PCED1B: variants seen among roughly 807,000 people sequenced by gnomAD.
PCED1B encodes the protein PC-esterase domain-containing protein 1B.
For synonymous variants in PCED1B, 251 were observed against 246.1 expected, an observed-to-expected ratio of 1.02 and a Z score of -0.19; for missense variants, 573 against 573.9, an observed-to-expected ratio of 1.00 and a Z score of 0.02.
intron 1 of PCED1B, among the ~76,000 whole-genome samples, chr12:47,080,981 G>T (rs1174507260): frequency 6.6e-6 from 1 of 152,178 alleles, no homozygotes; most frequent in Admixed American, 6.5e-5. Context: ...CGACCAGCGC[G>T]CTTTGGTTCA....
In PCED1B at chr12:47,217,460, AAGAAAGAAAG is replaced by A. The variant is rs1226774005; in HGVS notation, c.-58+783_-58+792del. 1.1e-3 allele frequency among the ~76,000 whole-genome samples: 87 copies of A among 76,596 alleles called. 3 individuals are homozygous for A. The highest frequency in any genetic ancestry group is 4.8e-3 in the African/African-American group (73 of 15,150). 50.2% of individuals were successfully genotyped at this position (76,596 alleles called of 152,430 possible). ...AAAAAGAAAGAAAGAAAGAAAGAAA[AAGAAAGAAAG>A]AGAAAGAAAGAAAGAAAGAAAGAAA... On this transcript the variant is annotated intron_variant, in intron 3 of 3. Transcript: ENST00000546455.
At chr12:47,210,330 A>G (rs1293147769) in intron 2 of PCED1B, 1 of 152,256 alleles carries the variant, frequency 6.6e-6, no homozygotes, top group African/African-American at 2.4e-5. Flanking sequence ...GGCTGGGGCC[A>G]CAGTTATGTA....
At chr12:47,166,374 C>T (rs1941546120) in intron 2 of PCED1B, among the ~76,000 whole-genome samples, 1 of 152,164 alleles carries the variant, frequency 6.6e-6, no homozygotes, top group South Asian at 2.1e-4. Context: ...GAGTTGAGCT[C>T]AGTTCCATAC....
chr12:47,186,114 A>G (rs531964711), intron 2 of PCED1B, among the ~76,000 whole-genome samples: 2 of 152,148 alleles, frequency 1.3e-5, no homozygotes, highest in South Asian at 4.2e-4. Context: ...GCTACTCAGG[A>G]GACTGAGGCA....
chr12:47,091,720 A>G (rs1378460212), intron 1 of PCED1B, among the ~76,000 whole-genome samples: 1 of 152,142 alleles, frequency 6.6e-6, no homozygotes, highest in Non-Finnish European at 1.5e-5. Flanking sequence ...TCTTGTGTGT[A>G]ATGTGAAATA....
At chr12:47,185,012 T>C (rs1267429297) in intron 2 of PCED1B, among the ~76,000 whole-genome samples, 1 of 152,200 alleles carries the variant, frequency 6.6e-6, no homozygotes, top group African/African-American at 2.4e-5. Flanking sequence ...TCCTTCTTTT[T>C]CCCTAGCTTT....
intron 2 of PCED1B, among the ~76,000 whole-genome samples, chr12:47,156,445 C>T (rs916481975): frequency 7.2e-5 from 11 of 152,146 alleles, no homozygotes; most frequent in East Asian, 1.9e-4. Flanking sequence ...GTCCTTTTCT[C>T]ACAAGGTTCC....
chr12:47,132,058 G>C lies in PCED1B; in HGVS notation c.-526+27863G>C, dbSNP rs1402038391. On this transcript the variant is annotated intron_variant, in intron 2 of 3. Transcript: ENST00000546455. ...TGACCTGGCCAGTAATGAACTTTGCGTGGAAAGTCATTAGCATCGAGTGGA... is the reference window on the plus strand; with the variant it reads ...TGACCTGGCCAGTAATGAACTTTGCCTGGAAAGTCATTAGCATCGAGTGGA... Among the ~76,000 whole-genome samples, 3 of 152,160 alleles carry C rather than the reference G, an allele frequency of 2.0e-5. No individual in the cohort carries two copies. The East Asian group carries it at 5.8e-4, about 29-fold the overall frequency.
At chr12:47,149,880 T>A (rs1940926912) in intron 2 of PCED1B, among the ~76,000 whole-genome samples, 1 of 152,222 alleles carries the variant, frequency 6.6e-6, no homozygotes, top group South Asian at 2.1e-4. Context: ...TGCCAGTCCT[T>A]ATGCTGGCAG....
chr12:47,101,894 C>G (rs919961261), intron 1 of PCED1B, among the ~76,000 whole-genome samples: 5 of 151,504 alleles, frequency 3.3e-5, no homozygotes, highest in Admixed American at 3.3e-4. Context: ...TGCAGTGAGC[C>G]GAGATGGCAC....
intron 2 of PCED1B, among the ~76,000 whole-genome samples, chr12:47,110,345 G>A (rs116833461): frequency 0.013 from 1,938 of 151,660 alleles, 46 homozygotes; most frequent in African/African-American, 0.045. Flanking sequence ...AGAGGAAAGC[G>A]CAATAGGGTT....
intron 2 of PCED1B, among the ~76,000 whole-genome samples, chr12:47,213,120 G>A (rs1408593533): frequency 6.6e-6 from 1 of 152,146 alleles, no homozygotes; most frequent in African/African-American, 2.4e-5. Context: ...ATCCCAATAA[G>A]TATTGCCTTG....
intron 2 of PCED1B, among the ~76,000 whole-genome samples, chr12:47,137,396 CAA>C (rs1038665901): frequency 2.0e-5 from 3 of 152,054 alleles, no homozygotes; most frequent in African/African-American, 7.2e-5. Flanking sequence ...TTATTGGAGA[CAA>C]AATATTTAAG....
intron 2 of PCED1B, among the ~76,000 whole-genome samples, chr12:47,175,551 AGTATGTATGTAT>A (rs34227779): frequency 7.9e-5 from 12 of 151,338 alleles, no homozygotes; most frequent in African/African-American, 2.7e-4. Context: ...TACTTCTTTC[AGTATGTATGTAT>A]GTATGTATGT....
At chr12:47,181,140 C>T (rs547617508) in intron 2 of PCED1B, among the ~76,000 whole-genome samples, 3 of 151,982 alleles carry the variant, frequency 2.0e-5, no homozygotes, top group Admixed American at 6.6e-5. Context: ...CTTGCTGCCA[C>T]GCCTGGCTCA....
intron 2 of PCED1B, among the ~76,000 whole-genome samples, chr12:47,106,310 A>C (rs1321297282): frequency 6.6e-6 from 1 of 152,130 alleles, no homozygotes; most frequent in Non-Finnish European, 1.5e-5. Context: ...TTCTCAGATA[A>C]ATTATTCACA....
chr12:47,168,307 T>C (rs1340969564), intron 2 of PCED1B, among the ~76,000 whole-genome samples: 1 of 152,212 alleles, frequency 6.6e-6, no homozygotes, highest in Non-Finnish European at 1.5e-5. Flanking sequence ...GCTTATATTT[T>C]GCAAGAACAT....
chr12:47,154,933 C>A (rs1336614855), intron 2 of PCED1B, among the ~76,000 whole-genome samples: 1 of 152,046 alleles, frequency 6.6e-6, no homozygotes, highest in African/African-American at 2.4e-5. Context: ...AAATCTCAAA[C>A]TAAGTATTTT....
chr12:47,213,721 A>G (rs1168414532), intron 2 of PCED1B, among the ~76,000 whole-genome samples: 2 of 152,240 alleles, frequency 1.3e-5, no homozygotes, highest in Non-Finnish European at 1.5e-5. Context: ...CTGTTTAAGA[A>G]AAAGCCAAGT....
Sources: allele counts gnomAD v4.1 joint callset (sites outside exome capture counted in the v4.1 genomes callset), GRCh38; gene constraint gnomAD v4.1.1; transcripts MANE v1.5; gene names NCBI Gene and HGNC (gene_info 2026-07-23, HGNC 2026-07-21).